Variants in BHMT observed in about 807,000 individuals in gnomAD.
BHMT encodes betaine--homocysteine S-methyltransferase 1.
BHMT carries 38 observed loss-of-function variants against 49.5 expected under a neutral mutation model. The observed-to-expected ratio is 0.77, with a 90% CI of 0.59 to 1.01. BHMT has a LOEUF of 1.01. Among genes scored for constraint, BHMT ranks in the 50% least tolerant of loss-of-function variants. The pLI is 0.00. For missense variants in BHMT, 426 were observed against 495.7 expected (o/e 0.86, Z 1.34); for synonymous variants, 166 against 176.3 (o/e 0.94, Z 0.46).
intron 7 of BHMT, among the ~76,000 whole-genome samples, chr5:79,128,722 G>C (rs554200014): frequency 6.6e-6 from 1 of 152,060 alleles, no homozygotes; most frequent in Non-Finnish European, 1.5e-5. Context: ...TCAGAGCTGG[G>C]AATACGGTGG....
intron 7 of BHMT, 43 bp from the exon 8 acceptor site, chr5:79,130,890 G>T (rs1481019619): frequency 6.7e-7 from 1 of 1,490,884 alleles, no homozygotes; most frequent in Admixed American, 2.2e-5. Flanking sequence ...CCAAAGCTAG[G>T]GGAGGAGTCT....
At chr5:79,112,609 C>T (rs1258983246) in intron 1 of BHMT, among the ~76,000 whole-genome samples, 1 of 152,232 alleles carries the variant, frequency 6.6e-6, no homozygotes, top group Non-Finnish European at 1.5e-5. Flanking sequence ...AAAATGTCAT[C>T]CGAAATGTCA....
chr5:79,127,697 C>G, intron 6 of BHMT, 58 bp from the exon 7 acceptor site: 1 of 1,559,808 alleles, frequency 6.4e-7, no homozygotes, highest in South Asian at 1.2e-5. Context: ...AGCTACTTAT[C>G]TTGAATTTTT....
chr5:79,120,342 C>A lies in BHMT; in HGVS notation c.286-8C>A. The A allele has an allele frequency of 6.3e-7, 1 of 1,598,638 alleles. No homozygotes were observed. The highest frequency in any genetic ancestry group is 8.5e-7 in the Non-Finnish European group (1 of 1,174,794). ...AATTTAGATGTCTCATATACTCACC[C>A]ATTTTAGGGGCAGGAAGTCAATGAA... On this transcript the variant is annotated splice_region_variant and splice_polypyrimidine_tract_variant and intron_variant, in intron 3 of 7. Coordinates refer to ENST00000274353, the MANE Select transcript of BHMT (RefSeq NM_001713.3).
intron 3 of BHMT, among the ~76,000 whole-genome samples, chr5:79,119,845 G>A (rs1256522467): frequency 6.6e-6 from 1 of 152,160 alleles, no homozygotes; most frequent in Non-Finnish European, 1.5e-5. Context: ...GGTTTGGGGA[G>A]CTTTTTGTTT....
intron 1 of BHMT, among the ~76,000 whole-genome samples, chr5:79,112,292 T>G (rs1157218400): frequency 6.6e-6 from 1 of 152,168 alleles, no homozygotes; most frequent in Non-Finnish European, 1.5e-5. Context: ...CCTTCCAATA[T>G]CTTCTGAATC....
intron 1 of BHMT, among the ~76,000 whole-genome samples, chr5:79,112,694 G>A (rs556088580): frequency 6.6e-6 from 1 of 152,368 alleles, no homozygotes; most frequent in South Asian, 2.1e-4. Flanking sequence ...TGATGAAATT[G>A]TAAAACCCAA....
At chr5:79,127,289 T>TGG (rs1248331149) in intron 6 of BHMT, among the ~76,000 whole-genome samples, 2 of 152,200 alleles carry the variant, frequency 1.3e-5, no homozygotes, top group African/African-American at 4.8e-5. Context: ...GTCTGTTGAC[T>TGG]GGGGGCCTCA....
chr5:79,117,685 G>A (rs1056195497), intron 2 of BHMT, among the ~76,000 whole-genome samples: 3 of 152,160 alleles, frequency 2.0e-5, no homozygotes, highest in East Asian at 3.9e-4. Context: ...CAGCGTTAGC[G>A]CTGAGAGCTA....
intron 2 of BHMT, among the ~76,000 whole-genome samples, chr5:79,116,685 TA>T (rs1173914404): frequency 1.4e-4 from 21 of 152,346 alleles, no homozygotes; most frequent in African/African-American, 5.1e-4. Context: ...AAGCTAAATC[TA>T]TAAGGCTAAT....
chr5:79,111,849 C>T lies in BHMT; in HGVS notation c.-37C>T, dbSNP rs767813253. Reference sequence around the variant, plus strand: ...AGCGGGAAGGCTCGCCTAGTCGGTCCGCATCCGTGTCGACCACCTGTCTGG... The same window carrying T: ...AGCGGGAAGGCTCGCCTAGTCGGTCTGCATCCGTGTCGACCACCTGTCTGG... On this transcript the variant is annotated 5_prime_UTR_variant, in exon 1 of 8. Transcript: ENST00000274353. 4 of 1,611,094 alleles carry T rather than the reference C, an allele frequency of 2.5e-6. No homozygotes were observed. The highest frequency in any genetic ancestry group is 1.1e-5 in the South Asian group (1 of 90,594).
intron 7 of BHMT, among the ~76,000 whole-genome samples, chr5:79,129,611 A>C (rs1756606462): frequency 6.6e-6 from 1 of 152,188 alleles, no homozygotes; most frequent in Admixed American, 6.5e-5. Flanking sequence ...GCAAGTTAGC[A>C]AGTTGTAATC....
intron 2 of BHMT, among the ~76,000 whole-genome samples, chr5:79,117,402 T>C (rs1035192572): frequency 7.2e-5 from 11 of 152,132 alleles, no homozygotes; most frequent in Admixed American, 5.2e-4. Flanking sequence ...TATATGGAAC[T>C]CCCTATATTT....
intron 4 of BHMT, 147 bp from the exon 5 acceptor site, chr5:79,121,071 A>G: frequency 1.0e-6 from 1 of 957,448 alleles, no homozygotes; most frequent in Non-Finnish European, 1.5e-6. Flanking sequence ...GAATTGCTTG[A>G]AACTGGGAGG....
In BHMT at chr5:79,127,068, G is replaced by A. The variant is rs377376950; in HGVS notation, c.809-687G>A. Among the ~76,000 whole-genome samples the A allele has an allele frequency of 1.2e-4, 19 of 152,300 alleles. 1 individual carries two copies. The highest frequency in any genetic ancestry group is 5.9e-4 in the Admixed American group (9 of 15,306). ...ACACATTAAATTAATGCAAAATGTA[G>A]TGGCTTGAAAAACCACTTCTTATCT... On this transcript the variant is annotated intron_variant, in intron 6 of 7. Coordinates refer to ENST00000274353, the MANE Select transcript of BHMT (RefSeq NM_001713.3).
chr5:79,117,193 T>G lies in BHMT; in HGVS notation c.166+1294T>G, dbSNP rs138213846. 6.4e-3 allele frequency among the ~76,000 whole-genome samples: 980 copies of G among 152,352 alleles called. 8 individuals are homozygous for G. The highest frequency in any genetic ancestry group is 0.022 in the African/African-American group (932 of 41,578). ...AAATCTGATAAAATTTTATAGACCT[T>G]CTGCACTGTAAAATGTATTTATACA... is the stretch of plus-strand genomic sequence containing the variant. On this transcript the variant is annotated intron_variant, in intron 2 of 7. Coordinates refer to ENST00000274353, the MANE Select transcript of BHMT (RefSeq NM_001713.3).
rs201674272 is a variant in BHMT, at chr5:79,120,330, C to T, written c.286-20C>T. On this transcript the variant is annotated intron_variant, in intron 3 of 7. Coordinates refer to ENST00000274353, the MANE Select transcript of BHMT (RefSeq NM_001713.3). ...ATTTCACATGAAAATTTAGATGTCT[C>T]ATATACTCACCCATTTTAGGGGCAG... 1.9e-6 allele frequency: 3 copies of T among 1,592,068 alleles called. No individual in the cohort carries two copies. The highest frequency in any genetic ancestry group is 1.7e-6 in the Non-Finnish European group (2 of 1,171,446).
chr5:79,128,170 C>T (rs889861407), intron 7 of BHMT, 187 bp downstream of exon 7: 47 of 793,784 alleles, frequency 5.9e-5, no homozygotes, highest in South Asian at 9.4e-5. Context: ...GAATATAGAA[C>T]GTATTTGACC....
chr5:79,124,349 G>A (rs910022776), intron 5 of BHMT, among the ~76,000 whole-genome samples: 6 of 151,614 alleles, frequency 4.0e-5, no homozygotes, highest in African/African-American at 1.5e-4. Flanking sequence ...AGAAGTTCAA[G>A]ACCAGCCTGG....
Sources: allele counts gnomAD v4.1 joint callset (sites outside exome capture counted in the v4.1 genomes callset), GRCh38; gene constraint gnomAD v4.1.1; transcripts MANE v1.5; gene names NCBI Gene and HGNC (gene_info 2026-07-23, HGNC 2026-07-21).